The following KCNB2 variants were observed in gnomAD, a reference collection of about 807,000 sequenced individuals.
KCNB2 encodes delayed rectifier potassium channel protein.
KCNB2 carries 15 observed loss-of-function variants against 61.5 expected under a neutral mutation model. The ratio of observed to expected loss-of-function variants is 0.24; its 90% confidence interval spans 0.16 to 0.38. KCNB2 has a LOEUF of 0.38. KCNB2 is among the 10% of genes least tolerant of loss of function. The probability of loss-of-function intolerance (pLI) is 1.00; values close to 1 mark genes in which losing one functional copy is unlikely to be tolerated. For synonymous variants in KCNB2, 457 were observed against 446.0 expected, an observed-to-expected ratio of 1.02 and a Z score of -0.31; for missense variants, 828 against 1,125.2, an observed-to-expected ratio of 0.74 and a Z score of 3.78.
rs141006954 is a variant in KCNB2, at chr8:72,701,818, C to T, written c.579+133505C>T. 3.2e-3 allele frequency among the ~76,000 whole-genome samples: 489 copies of T among 151,994 alleles called. 6 individuals carry two copies. The highest frequency in any genetic ancestry group is 0.011 in the African/African-American group (439 of 41,452). Reference sequence around the variant, plus strand: ...GCAACACACATAAAAGGAAAAATTGCGCAACCATTTAAAATTATATGGACA... The same window carrying T: ...GCAACACACATAAAAGGAAAAATTGTGCAACCATTTAAAATTATATGGACA... On this transcript the variant is annotated intron_variant, in intron 2 of 2. Coordinates refer to ENST00000523207, the MANE Select transcript of KCNB2 (RefSeq NM_004770.3).
rs1563382505 is a variant in KCNB2 at position 72,778,760 on chromosome 8, A to AAAAG, written c.580-157159_580-157156dup. Among the ~76,000 whole-genome samples, 127 of 140,916 alleles carry AAAAG rather than the reference A, an allele frequency of 9.0e-4. 2 individuals are homozygous for AAAAG. The highest frequency in any genetic ancestry group is 2.4e-3 in the African/African-American group (93 of 38,564). 92.4% of individuals were successfully genotyped at this position (140,916 alleles called of 152,430 possible). On this transcript the variant is annotated intron_variant, in intron 2 of 2. Coordinates refer to ENST00000523207, the MANE Select transcript of KCNB2 (RefSeq NM_004770.3). The stretch of plus-strand genomic sequence containing the variant: ...AAAAAAAAAAAAAAAAAAAAAAAAA[A>AAAAG]AAAGAAAGAAAGAAAGAAAAAGAAA...
Position 72,792,341 on chromosome 8 carries a change from A to G in KCNB2, c.580-143594A>G, listed in dbSNP as rs546893623. ...CTCCCAAGCTGTGTGTTTACTTTTT[A>G]TGACCACTAATAGCATTTGTGACTT... On this transcript the variant is annotated intron_variant, in intron 2 of 2. Coordinates refer to ENST00000523207, the MANE Select transcript of KCNB2 (RefSeq NM_004770.3). Among the ~76,000 whole-genome samples, 7 of 152,332 alleles carry G rather than the reference A, an allele frequency of 4.6e-5. No individual in the cohort carries two copies. The South Asian group carries it at 1.4e-3, about 32-fold the overall frequency.
intron 1 of KCNB2, among the ~76,000 whole-genome samples, chr8:72,544,818 T>C (rs762313934): frequency 6.6e-6 from 1 of 152,240 alleles, no homozygotes; most frequent in Non-Finnish European, 1.5e-5. Flanking sequence ...AATCTTGCTC[T>C]TGATACTAGA....
intron 2 of KCNB2, among the ~76,000 whole-genome samples, chr8:72,600,158 G>A (rs1807270873): frequency 1.3e-5 from 2 of 152,158 alleles, no homozygotes; most frequent in Non-Finnish European, 2.9e-5. Context: ...GTTTATTGCG[G>A]CATTATTCAC....
chr8:72,708,598 C>T lies in KCNB2; in HGVS notation c.579+140285C>T, dbSNP rs182065492. Among the ~76,000 whole-genome samples the T allele has an allele frequency of 9.5e-4, 144 of 152,288 alleles. 6 individuals are homozygous for T. The highest frequency in any genetic ancestry group is 4.4e-4 in the Non-Finnish European group (30 of 68,016). ...CTTTTCTGTACCAGTGTTAATTATT[C>T]AGACATTTTACCCTTTAACAGTGGA... On this transcript the variant is annotated intron_variant, in intron 2 of 2. Transcript: ENST00000523207.
At chr8:72,753,505 C>T (rs1822059) in intron 2 of KCNB2, among the ~76,000 whole-genome samples, 13,751 of 152,196 alleles carry the variant, frequency 0.09, 1,231 homozygotes, top group East Asian at 0.5. Context: ...GAGAGTTACA[C>T]ACTGGGAAGT....
At chr8:72,755,899 G>A (rs916994956) in intron 2 of KCNB2, among the ~76,000 whole-genome samples, 1 of 152,162 alleles carries the variant, frequency 6.6e-6, no homozygotes, top group African/African-American at 2.4e-5. Flanking sequence ...GGAACCGGTA[G>A]CATCTTCATC....
At chr8:72,660,782 C>T (rs1250746416) in intron 2 of KCNB2, 2 of 152,164 alleles carry the variant, frequency 1.3e-5, no homozygotes, top group Non-Finnish European at 1.5e-5. Flanking sequence ...TGGATAGATT[C>T]GCCTCTGTTT....
At chr8:72,633,551 T>C (rs1240717517) in intron 2 of KCNB2, among the ~76,000 whole-genome samples, 6 of 152,260 alleles carry the variant, frequency 3.9e-5, no homozygotes, top group African/African-American at 4.8e-5. Flanking sequence ...CTGGGTTCTG[T>C]GTTCCTAACC....
chr8:72,709,220 G>T (rs1445827607), intron 2 of KCNB2, among the ~76,000 whole-genome samples: 1 of 151,946 alleles, frequency 6.6e-6, no homozygotes, highest in Non-Finnish European at 1.5e-5. Context: ...AAAAGTAAAA[G>T]AAAAATCTCC....
At chr8:72,718,057 GA>G (rs1233010563) in intron 2 of KCNB2, among the ~76,000 whole-genome samples, 1 of 151,914 alleles carries the variant, frequency 6.6e-6, no homozygotes, top group African/African-American at 2.4e-5. Flanking sequence ...AAAAACACAT[GA>G]AAAAATGCTC....
chr8:72,598,095 T>A (rs182028903), intron 2 of KCNB2, among the ~76,000 whole-genome samples: 1 of 152,124 alleles, frequency 6.6e-6, no homozygotes, highest in Non-Finnish European at 1.5e-5. Context: ...CCACCAATGG[T>A]AGACTGGATA....
At chr8:72,613,799 T>C (rs1805576304) in intron 2 of KCNB2, among the ~76,000 whole-genome samples, 1 of 152,218 alleles carries the variant, frequency 6.6e-6, no homozygotes. Flanking sequence ...CAGAGTTCCT[T>C]TCTTCTGCTG....
intron 2 of KCNB2, among the ~76,000 whole-genome samples, chr8:72,908,465 T>G (rs761094819): frequency 7.2e-5 from 11 of 152,192 alleles, no homozygotes; most frequent in Non-Finnish European, 1.6e-4. Context: ...TACTGCTCAG[T>G]TAATTGGTGG....
At chr8:72,767,122 A>G (rs1808472400) in intron 2 of KCNB2, among the ~76,000 whole-genome samples, 1 of 152,134 alleles carries the variant, frequency 6.6e-6, no homozygotes, top group Non-Finnish European at 1.5e-5. Context: ...CTCCCACAAC[A>G]TGTGGGAATT....
intron 2 of KCNB2, among the ~76,000 whole-genome samples, chr8:72,648,337 G>A (rs760970107): frequency 6.6e-6 from 1 of 152,168 alleles, no homozygotes; most frequent in African/African-American, 2.4e-5. Context: ...GGTTGACTGT[G>A]TTTGGAAGAA....
intron 2 of KCNB2, among the ~76,000 whole-genome samples, chr8:72,904,415 G>A (rs1361854044): frequency 6.6e-6 from 1 of 152,032 alleles, no homozygotes; most frequent in South Asian, 2.1e-4. Context: ...TGGGTGCTGG[G>A]ACTAATACCT....
intron 2 of KCNB2, among the ~76,000 whole-genome samples, chr8:72,798,022 CAT>C (rs1360237983): frequency 6.6e-6 from 1 of 152,166 alleles, no homozygotes; most frequent in Non-Finnish European, 1.5e-5. Flanking sequence ...TTCCCTTCTT[CAT>C]ATACAACACT....
chr8:72,783,941 T>C (rs1211669899), intron 2 of KCNB2, among the ~76,000 whole-genome samples: 1 of 152,138 alleles, frequency 6.6e-6, no homozygotes, highest in African/African-American at 2.4e-5. Flanking sequence ...CCTATCATCC[T>C]TTAAAACCAG....
Sources: allele counts gnomAD v4.1 joint callset (sites outside exome capture counted in the v4.1 genomes callset), GRCh38; gene constraint gnomAD v4.1.1; transcripts MANE v1.5; gene names NCBI Gene and HGNC (gene_info 2026-07-23, HGNC 2026-07-21).